The following HGD variants were observed in gnomAD, a reference collection of about 807,000 sequenced individuals.
The protein encoded by HGD is homogentisate oxidase.
In HGD, 61 loss-of-function variants were observed where a neutral mutation model predicts 60.8. That is an observed-to-expected ratio of 1.00 (90% CI 0.82 to 1.24). The LOEUF is 1.24. Among genes scored for constraint, HGD ranks in the 50% most tolerant of loss-of-function variants. The pLI, the probability that HGD is intolerant of heterozygous loss-of-function variation, is 0.00. For missense variants in HGD, 542 were observed against 547.1 expected (o/e 0.99, Z 0.09); for synonymous variants, 212 against 187.7 (o/e 1.13, Z -1.06).
chr3:120,635,973 GA>G (rs1940759389), intron 12 of HGD, among the ~76,000 whole-genome samples: 1 of 151,888 alleles, frequency 6.6e-6, no homozygotes, highest in African/African-American at 2.4e-5. Context: ...ACTTGCCAGT[GA>G]AAAATGTAGA....
At chr3:120,662,001 A>G (rs938947092) in intron 4 of HGD, among the ~76,000 whole-genome samples, 4 of 152,250 alleles carry the variant, frequency 2.6e-5, no homozygotes, top group African/African-American at 9.6e-5. Flanking sequence ...ATTATTTAAA[A>G]TGAATCATAA....
intron 13 of HGD, among the ~76,000 whole-genome samples, chr3:120,632,007 C>G (rs1256646833): frequency 2.0e-5 from 3 of 152,186 alleles, no homozygotes; most frequent in Non-Finnish European, 4.4e-5. Context: ...AGGACTGCAC[C>G]TCCAGGAGAC....
rs141386185 is a variant in HGD at position 120,643,057 on chromosome 3, A to G, written c.774+1262T>C. On this transcript the variant is annotated intron_variant, in intron 10 of 13. Coordinates refer to ENST00000283871, the MANE Select transcript of HGD (RefSeq NM_000187.4). ...CAATGATCTGGGGAACATGCTTAAA[A>G]TGAATGTAGGTTTCCATGTCCCATC... 9.3e-3 allele frequency among the ~76,000 whole-genome samples: 1,410 copies of G among 152,318 alleles called. 23 individuals carry two copies. Among genetic ancestry groups the G allele is most frequent in the African/African-American group, 0.032 (1,341 of 41,564 alleles).
chr3:120,678,325 G>A (rs1360390733), intron 1 of HGD, among the ~76,000 whole-genome samples: 1 of 152,134 alleles, frequency 6.6e-6, no homozygotes, highest in African/African-American at 2.4e-5. Context: ...CTGTGAAATG[G>A]AATTTTAGAC....
chr3:120,632,276 G>C (rs1940614523), intron 13 of HGD, among the ~76,000 whole-genome samples: 1 of 152,194 alleles, frequency 6.6e-6, no homozygotes, highest in Non-Finnish European at 1.5e-5. Context: ...GCAGGTCTCT[G>C]CTATAGATTT....
At chr3:120,652,681 T>C (rs760613795) in intron 4 of HGD, 30 bp from the exon 5 acceptor site, 2 of 1,520,332 alleles carry the variant, frequency 1.3e-6, no homozygotes, top group Non-Finnish European at 9.1e-7. Context: ...ACAGAAAAAT[T>C]ACTTCACAAG....
In HGD at chr3:120,652,665, A is replaced by G; in HGVS notation, c.283-14T>C. The G allele has an allele frequency of 6.3e-7, 1 of 1,590,846 alleles. No individual in the cohort carries two copies. Among genetic ancestry groups the G allele is most frequent in the Non-Finnish European group, 8.6e-7 (1 of 1,159,636 alleles). ...TTTCCATCTAAGCTGGAAAAAAAATACACATACAGAAAAATTACTTCACAA... is the reference window on the plus strand; with the variant it reads ...TTTCCATCTAAGCTGGAAAAAAAATGCACATACAGAAAAATTACTTCACAA... On this transcript the variant is annotated splice_polypyrimidine_tract_variant and intron_variant, in intron 4 of 13. Coordinates refer to ENST00000283871, the MANE Select transcript of HGD (RefSeq NM_000187.4).
At chr3:120,670,650 T>G in intron 3 of HGD, 118 bp from the exon 4 acceptor site, 1 of 740,604 alleles carries the variant, frequency 1.4e-6, no homozygotes, top group Non-Finnish European at 2.5e-6. Context: ...CTGTAGGCTC[T>G]AATGTGTGAA....
intron 1 of HGD, chr3:120,677,970 T>C (rs1316985025): frequency 2.0e-5 from 3 of 152,072 alleles, no homozygotes; most frequent in Non-Finnish European, 4.4e-5. Context: ...GATGTGTGAG[T>C]GATGATCAGG....
rs1162766081 is a variant in HGD, at chr3:120,647,840, A to G, written c.469+37T>C. 3 of 1,551,948 alleles carry G rather than the reference A, an allele frequency of 1.9e-6. No homozygotes were observed. In the South Asian group the frequency reaches 3.3e-5, roughly 17 times the overall value. Reference sequence around the variant, plus strand: ...GAAAGCAGCTTGCGGTTAGGGGTCAATTAACAGTGAGGGGGTCTGAAGTCT... The same window carrying G: ...GAAAGCAGCTTGCGGTTAGGGGTCAGTTAACAGTGAGGGGGTCTGAAGTCT... On this transcript the variant is annotated intron_variant, in intron 7 of 13. Transcript: ENST00000283871.
intron 4 of HGD, among the ~76,000 whole-genome samples, chr3:120,660,417 G>A (rs967021842): frequency 1.3e-5 from 2 of 152,216 alleles, no homozygotes; most frequent in African/African-American, 4.8e-5. Context: ...GGAAAAAAAG[G>A]TAGCATGAAT....
At chr3:120,675,164 T>C (rs534244033) in intron 2 of HGD, among the ~76,000 whole-genome samples, 175 bp from the exon 3 acceptor site, 1 of 152,256 alleles carries the variant, frequency 6.6e-6, no homozygotes, top group South Asian at 2.1e-4. Context: ...ATTATAAAAG[T>C]AATATATATT....
chr3:120,662,907 T>A (rs1039060784), intron 4 of HGD, among the ~76,000 whole-genome samples: 2 of 152,056 alleles, frequency 1.3e-5, no homozygotes, highest in African/African-American at 4.8e-5. Flanking sequence ...TTAAATGAGG[T>A]TACTAGAGTG....
intron 13 of HGD, among the ~76,000 whole-genome samples, chr3:120,630,798 T>TTATATATATATA (rs61375071): frequency 0.023 from 2,059 of 87,830 alleles, 49 homozygotes; most frequent in African/African-American, 0.043. Flanking sequence ...CTTAAGAGCT[T>TTATATATATATA]TATATATATA....
chr3:120,654,304 C>T (rs979976638), intron 4 of HGD, among the ~76,000 whole-genome samples: 8 of 152,284 alleles, frequency 5.3e-5, no homozygotes, highest in African/African-American at 1.7e-4. Flanking sequence ...ATTCTCAATC[C>T]TGGCCACTCA....
Position 120,644,573 on chromosome 3 carries a change from A to G in HGD, c.650-130T>C, listed in dbSNP as rs1941100819. 1.9e-6 allele frequency: 3 copies of G among 1,554,488 alleles called. No individual in the cohort carries two copies. The African/African-American group carries it at 4.1e-5, about 21-fold the overall frequency. ...CACAAATTGCTTTCATTGCTCAAAG[A>G]TTCACTGCATTTCCAGTCTGGTACC... On this transcript the variant is annotated intron_variant, in intron 9 of 13. Transcript: ENST00000283871.
At chr3:120,656,564 G>GC (rs67903429) in intron 4 of HGD, among the ~76,000 whole-genome samples, 2 of 40,230 alleles carry the variant, frequency 5.0e-5, no homozygotes, top group Admixed American at 2.6e-4. Context: ...TCTTTTTTTT[G>GC]GGGGGGGGTT....
chr3:120,639,254 C>G (rs1195142819), intron 11 of HGD, among the ~76,000 whole-genome samples: 2 of 152,114 alleles, frequency 1.3e-5, no homozygotes, highest in Non-Finnish European at 2.9e-5. Context: ...ATGTTTATGT[C>G]CATGGGTGCT....
chr3:120,631,959 A>G (rs553396068), intron 13 of HGD, among the ~76,000 whole-genome samples: 3 of 152,230 alleles, frequency 2.0e-5, no homozygotes, highest in Admixed American at 6.5e-5. Context: ...AAATTGGGGG[A>G]CCAAAGGTTA....
Sources: gnomAD v4.1 joint callset for allele counts (sites outside exome capture counted in the v4.1 genomes callset) on GRCh38, gnomAD v4.1.1 for gene constraint, MANE v1.5 for transcripts, NCBI Gene and HGNC (gene_info 2026-07-23, HGNC 2026-07-21) for gene names.